XRCC6: variants seen among roughly 807,000 people sequenced by gnomAD.
The protein encoded by XRCC6 is DNA repair protein Ku70.
A neutral mutation model predicts 65.7 loss-of-function variants in XRCC6; 5 were observed. The ratio of observed to expected loss-of-function variants is 0.08; its 90% CI spans 0.04 to 0.16. XRCC6 has a LOEUF of 0.16. Ranked by LOEUF, XRCC6 falls within the 10% of genes least tolerant of loss-of-function variation. The probability of loss-of-function intolerance (pLI) is 1.00; values close to 1 mark genes in which losing one functional copy is unlikely to be tolerated. For synonymous variants in XRCC6, 270 were observed against 270.6 expected (o/e 1.00, Z 0.02); for missense variants, 447 against 738.1 (o/e 0.61, Z 4.57).
At chr22:41,639,323 C>CTTTTTTTT (rs1569087438) in intron 6 of XRCC6, among the ~76,000 whole-genome samples, 1 of 59,086 alleles carries the variant, frequency 1.7e-5, no homozygotes, top group Non-Finnish European at 3.8e-5. Context: ...TTGCTAGATT[C>CTTTTTTTT]TTTTTCTTTT....
chr22:41,656,382 G>A (rs1025092837), intron 9 of XRCC6, among the ~76,000 whole-genome samples: 4 of 151,816 alleles, frequency 2.6e-5, no homozygotes, highest in African/African-American at 9.7e-5. Context: ...TTAGCCGGGC[G>A]TGGTGGCGCC....
At chr22:41,634,111 G>A (rs945152710) in intron 3 of XRCC6, among the ~76,000 whole-genome samples, 2 of 152,158 alleles carry the variant, frequency 1.3e-5, no homozygotes, top group Non-Finnish European at 1.5e-5. Context: ...ACGAAGGCCA[G>A]CTAGAGCTCA....
At chr22:41,625,421 G>T (rs1235651968) in intron 2 of XRCC6, among the ~76,000 whole-genome samples, 1 of 150,654 alleles carries the variant, frequency 6.6e-6, no homozygotes, top group Non-Finnish European at 1.5e-5. Context: ...ACCTGAGGTC[G>T]GGAGTTTGAG....
intron 8 of XRCC6, among the ~76,000 whole-genome samples, 195 bp from the exon 9 acceptor site, chr22:41,653,334 G>A (rs1015461019): frequency 3.9e-5 from 6 of 152,128 alleles, no homozygotes; most frequent in African/African-American, 1.4e-4. Flanking sequence ...AGCTTGGGAG[G>A]TCAAGGCTGC....
chr22:41,657,490 T>TTTA (rs138171458), intron 10 of XRCC6, among the ~76,000 whole-genome samples: 9,820 of 138,110 alleles, frequency 0.071, 415 homozygotes, highest in South Asian at 0.12. Flanking sequence ...TTTTTAAAAA[T>TTTA]TTATTATTAT....
At chr22:41,655,499 G>T (rs2068036639) in intron 9 of XRCC6, among the ~76,000 whole-genome samples, 1 of 151,986 alleles carries the variant, frequency 6.6e-6, no homozygotes, top group Non-Finnish European at 1.5e-5. Context: ...GATGTCAGGA[G>T]ATTGAGACCA....
chr22:41,624,155 C>T (rs1011652799), intron 2 of XRCC6, among the ~76,000 whole-genome samples: 17 of 152,010 alleles, frequency 1.1e-4, no homozygotes, highest in African/African-American at 2.2e-4. Flanking sequence ...GAGGCTGAGG[C>T]GGGCAGATCA....
intron 3 of XRCC6, among the ~76,000 whole-genome samples, chr22:41,630,043 G>A (rs2067723016): frequency 6.7e-6 from 1 of 149,764 alleles, no homozygotes; most frequent in African/African-American, 2.5e-5. Flanking sequence ...GAGTGCAGTG[G>A]CACAATCTTG....
chr22:41,626,815 T>C (rs2147066500), intron 2 of XRCC6, among the ~76,000 whole-genome samples: 1 of 152,084 alleles, frequency 6.6e-6, no homozygotes, highest in East Asian at 1.9e-4. Context: ...TTTTTTTTTG[T>C]ATTTTTAGCA....
chr22:41,638,567 C>T (rs1451030699), intron 6 of XRCC6, among the ~76,000 whole-genome samples: 2 of 152,058 alleles, frequency 1.3e-5, no homozygotes, highest in African/African-American at 4.8e-5. Context: ...GGGTGGATCA[C>T]AAGTTCAAGA....
chr22:41,633,528 C>T (rs1397360856), intron 3 of XRCC6, among the ~76,000 whole-genome samples: 1 of 152,076 alleles, frequency 6.6e-6, no homozygotes, highest in African/African-American at 2.4e-5. Context: ...AGGCACCCAC[C>T]ACCACACCCG....
At chr22:41,640,122 T>C (rs1030128175) in intron 6 of XRCC6, among the ~76,000 whole-genome samples, 4 of 151,926 alleles carry the variant, frequency 2.6e-5, no homozygotes, top group African/African-American at 7.3e-5. Flanking sequence ...GCTCAGGCAG[T>C]CTTCTGTGGT....
At chr22:41,627,803 G>A (rs2067695023) in intron 2 of XRCC6, among the ~76,000 whole-genome samples, 1 of 152,056 alleles carries the variant, frequency 6.6e-6, no homozygotes, top group Non-Finnish European at 1.5e-5. Flanking sequence ...GAGCCCAGGA[G>A]TTCGAGGTTG....
chr22:41,649,828 G>A (rs1281235592), intron 7 of XRCC6, among the ~76,000 whole-genome samples: 2 of 135,540 alleles, frequency 1.5e-5, no homozygotes, highest in East Asian at 4.6e-4. Flanking sequence ...GGGTGACAGC[G>A]AGACTGTCTC....
intron 12 of XRCC6, 111 bp downstream of exon 12, chr22:41,661,555 A>G: frequency 1.1e-6 from 1 of 927,628 alleles, no homozygotes; most frequent in East Asian, 2.7e-5. Context: ...TCTAGTTAAA[A>G]TGGCTTTTAT....
At chr22:41,641,979 C>G (rs2067882693) in intron 6 of XRCC6, among the ~76,000 whole-genome samples, 1 of 152,118 alleles carries the variant, frequency 6.6e-6, no homozygotes, top group Non-Finnish European at 1.5e-5. Flanking sequence ...AGTAGCGACA[C>G]AGTTTCACCA....
At chr22:41,653,980 C>T (rs28384766) in intron 9 of XRCC6, among the ~76,000 whole-genome samples, 1 of 152,094 alleles carries the variant, frequency 6.6e-6, no homozygotes, top group Non-Finnish European at 1.5e-5. Flanking sequence ...TGGGACCTCA[C>T]TGCCGACACC....
At chr22:41,649,139 A>AAAAAAAAATATATATATATATATATATAT in intron 7 of XRCC6, among the ~76,000 whole-genome samples, 1 of 88,734 alleles carries the variant, frequency 1.1e-5, no homozygotes, top group Non-Finnish European at 2.1e-5. Flanking sequence ...AAAAAAAAAA[A>AAAAAAAAATATATATATATATATATATAT]ATATATATAT....
chr22:41,635,414 G>A (rs1333708562), intron 3 of XRCC6, among the ~76,000 whole-genome samples: 1 of 152,224 alleles, frequency 6.6e-6, no homozygotes, highest in Non-Finnish European at 1.5e-5. Context: ...GTACTTGAAA[G>A]ATCACATGAC....
Sources: gnomAD v4.1 joint callset for allele counts (sites outside exome capture counted in the v4.1 genomes callset) on GRCh38, gnomAD v4.1.1 for gene constraint, MANE v1.5 for transcripts, NCBI Gene and HGNC (gene_info 2026-07-23, HGNC 2026-07-21) for gene names.